Variants in DCP1B observed in about 807,000 individuals in gnomAD.
The protein encoded by DCP1B is mRNA-decapping enzyme 1B.
Under a neutral mutation model 60.5 loss-of-function variants are expected in DCP1B, and 47 were observed. The observed-to-expected ratio is 0.78, with a 90% CI of 0.61 to 0.99. The LOEUF is 0.99. Among genes scored for constraint, DCP1B ranks in the 50% least tolerant of loss-of-function variants. The pLI is 0.00. For missense variants in DCP1B, 725 were observed against 756.8 expected, an observed-to-expected ratio of 0.96 and a Z score of 0.49; for synonymous variants, 267 against 280.3, an observed-to-expected ratio of 0.95 and a Z score of 0.47.
At chr12:1,986,493 C>CAG (rs1453440235) in intron 3 of DCP1B, among the ~76,000 whole-genome samples, 1 of 152,136 alleles carries the variant, frequency 6.6e-6, no homozygotes, top group Non-Finnish European at 1.5e-5. Flanking sequence ...ACCACAGGGG[C>CAG]AGAGACAGGG....
chr12:1,957,686 A>G (rs1383820604), intron 5 of DCP1B, among the ~76,000 whole-genome samples: 1 of 152,252 alleles, frequency 6.6e-6, no homozygotes, highest in Non-Finnish European at 1.5e-5. Context: ...CATCTCAACT[A>G]GAAATTGAAT....
chr12:2,004,123 G>A (rs530703483), intron 1 of DCP1B, 159 bp downstream of exon 1: 329 of 818,004 alleles, frequency 4.0e-4, no homozygotes, highest in Non-Finnish European at 8.8e-5. Context: ...CCAAACCCCC[G>A]AGACCCCATC....
intron 1 of DCP1B, among the ~76,000 whole-genome samples, chr12:2,002,639 C>G (rs1328505924): frequency 6.6e-6 from 1 of 152,202 alleles, no homozygotes; most frequent in Non-Finnish European, 1.5e-5. Flanking sequence ...GCTCTACTCT[C>G]TTTATACTGA....
rs765479804 is a variant in DCP1B at position 1,949,074 on chromosome 12, G to A, written c.1773+12C>T. ...GTGGTCAGGTGCGAAGGGAGATGAC[G>A]TGCTTGCTTACCTGAATGAGGTACA... On this transcript the variant is annotated intron_variant, in intron 8 of 8. Coordinates refer to ENST00000280665, the MANE Select transcript of DCP1B (RefSeq NM_152640.5). 9.3e-6 allele frequency: 15 copies of A among 1,607,692 alleles called. No individual in the cohort carries two copies. The highest frequency in any genetic ancestry group is 2.7e-5 in the African/African-American group (2 of 74,792).
At chr12:2,004,168 A>C in intron 1 of DCP1B, 114 bp downstream of exon 1, 5 of 1,424,316 alleles carry the variant, frequency 3.5e-6, no homozygotes, top group African/African-American at 3.2e-5. Flanking sequence ...AGATCCACCC[A>C]CTTCCAGGGC....
intron 5 of DCP1B, among the ~76,000 whole-genome samples, chr12:1,956,192 C>T (rs1469009111): frequency 1.3e-5 from 2 of 152,224 alleles, no homozygotes; most frequent in Admixed American, 6.5e-5. Context: ...ATTTCCAACA[C>T]TGACTCATTA....
rs1358611033 is a variant in DCP1B, at chr12:1,971,096, G to C, written c.320-3186C>G. ...AGCCTTTGTTCAGCCTGGTACGCCT[G>C]CATACCAGCCGCTTCCCAGCCACCT... On this transcript the variant is annotated intron_variant, in intron 3 of 8. Coordinates refer to ENST00000280665, the MANE Select transcript of DCP1B (RefSeq NM_152640.5). The surrounding 1 kb of genome is among the most constrained non-coding windows in gnomAD (Gnocchi z 4.2). The C allele has an allele frequency of 1.6e-6, 2 of 1,289,366 alleles. No individual in the cohort carries two copies. The highest frequency in any genetic ancestry group is 3.0e-5 in the African/African-American group (2 of 65,828). 79.9% of individuals were successfully genotyped at this position (1,289,366 alleles called of 1,614,324 possible).
Position 1,974,411 on chromosome 12 carries a change from A to C in DCP1B, c.320-6501T>G, listed in dbSNP as rs142612284. Among the ~76,000 whole-genome samples the C allele has an allele frequency of 8.9e-3, 1,353 of 152,218 alleles. 23 individuals are homozygous for C. Among genetic ancestry groups the C allele is most frequent in the African/African-American group, 0.031 (1,274 of 41,534 alleles). On this transcript the variant is annotated intron_variant, in intron 3 of 8. Transcript: ENST00000280665. ...TAAGTAGTGTTGATGGGATTCTGTC[A>C]TTAGGATATGAGCTCCCGAAGACTG...
At chr12:2,000,470 T>TA (rs71441668) in intron 1 of DCP1B, among the ~76,000 whole-genome samples, 20,008 of 146,172 alleles carry the variant, frequency 0.14, 1,469 homozygotes, top group Admixed American at 0.19. Context: ...TTTTCTTAAT[T>TA]AAAAAAAAAA....
chr12:1,952,308 G>A, intron 7 of DCP1B, 108 bp downstream of exon 7: 1 of 1,337,942 alleles, frequency 7.5e-7, no homozygotes. Context: ...TCAGTAGCTG[G>A]TGCTATAGGC....
At chr12:1,963,734 C>T (rs748753421) in intron 5 of DCP1B, among the ~76,000 whole-genome samples, 1 of 152,080 alleles carries the variant, frequency 6.6e-6, no homozygotes, top group Non-Finnish European at 1.5e-5. Context: ...TTTGAAGAGC[C>T]CTGACACCTT....
At chr12:1,986,109 A>T (rs547211922) in intron 3 of DCP1B, among the ~76,000 whole-genome samples, 3 of 152,222 alleles carry the variant, frequency 2.0e-5, no homozygotes, top group African/African-American at 4.8e-5. Flanking sequence ...CACTGCGCCC[A>T]GCCGTCAGTT....
At chr12:2,004,161 T>A (rs746917801) in intron 1 of DCP1B, 121 bp downstream of exon 1, 2 of 1,407,708 alleles carry the variant, frequency 1.4e-6, no homozygotes, top group Admixed American at 2.1e-5. Context: ...AGTCCCCAGA[T>A]CCACCCACTT....
intron 3 of DCP1B, chr12:1,991,301 G>A (rs764818184): frequency 4.0e-4 from 175 of 435,918 alleles, no homozygotes; most frequent in Non-Finnish European, 7.3e-4. Context: ...ATTAAACATG[G>A]TAAAATAAAT....
At chr12:1,997,394 C>G (rs895485914) in intron 2 of DCP1B, among the ~76,000 whole-genome samples, 41 of 152,332 alleles carry the variant, frequency 2.7e-4, no homozygotes, top group African/African-American at 9.1e-4. Flanking sequence ...GTGGCGCATG[C>G]CTGTAATCCC....
intron 5 of DCP1B, among the ~76,000 whole-genome samples, chr12:1,961,989 G>A (rs531642666): frequency 6.6e-4 from 101 of 152,272 alleles, no homozygotes; most frequent in African/African-American, 2.0e-3. Flanking sequence ...TATACTCACA[G>A]GTCCTGGAGA....
In DCP1B at chr12:1,993,265, T is replaced by A; in HGVS notation, c.318A>T (p.Arg106Ser). 1 of 1,614,112 alleles carries A rather than the reference T, an allele frequency of 6.2e-7. No individual in the cohort carries two copies. The change falls in exon 3 of 9, where the codon AGA becomes AGT. Residue 106 changes from arginine (R) to serine (S), a missense_variant and splice_region_variant. Transcript: ENST00000280665. ...QDPFLLYRNA[R>S]LSIYGIWFYD... ...CCCACTGTAGTAAGAAAGACTCACA[T>A]CTGGCATTTCTGTAGAGAAGGAAAG...
rs754067473 is a variant in DCP1B at position 1,946,283 on chromosome 12, C to T, written c.1777G>A (p.Asp593Asn). Residue 593 changes from aspartate to asparagine, a missense_variant, in exon 9 of 9, where the codon GAT (aspartate) becomes AAT (asparagine). Asp to Asn is a conservative substitution (Grantham distance 23, BLOSUM62 1). Coordinates refer to ENST00000280665, the MANE Select transcript of DCP1B (RefSeq NM_152640.5). ...QEALLYLIQN[D>N]DNFLNIIYEA... ...TAGATTATATTTAAGAAGTTGTCAT[C>T]ATTCTGGAAAACAAATCGAAAGACC... is the stretch of plus-strand genomic sequence containing the variant. 1 of 1,598,628 alleles carries T rather than the reference C, an allele frequency of 6.3e-7. No homozygotes were observed. Among genetic ancestry groups the T allele is most frequent in the South Asian group, 1.1e-5 (1 of 87,112 alleles).
At chr12:1,978,009 C>G (rs187435519) in intron 3 of DCP1B, among the ~76,000 whole-genome samples, 1 of 152,082 alleles carries the variant, frequency 6.6e-6, no homozygotes, top group Non-Finnish European at 1.5e-5. Flanking sequence ...GCTAAGGCTC[C>G]TCTTTGCTAG....
Sources: allele counts gnomAD v4.1 joint callset (sites outside exome capture counted in the v4.1 genomes callset), GRCh38; gene constraint gnomAD v4.1.1; non-coding constraint Gnocchi (gnomAD v3.1); transcripts MANE v1.5; gene names NCBI Gene and HGNC (gene_info 2026-07-23, HGNC 2026-07-21).